ZXDC: variants seen among roughly 807,000 people sequenced by gnomAD.
ZXDC encodes ZXD family zinc finger C.
Under a neutral mutation model 63.6 loss-of-function variants are expected in ZXDC, and 58 were observed. The observed-to-expected ratio is 0.91, with a 90% CI of 0.74 to 1.13. ZXDC has a LOEUF of 1.13. Among genes scored for constraint, ZXDC ranks in the 50% most tolerant of loss-of-function variants. The probability of loss-of-function intolerance (pLI) is 0.00; values close to 1 mark genes in which losing one functional copy is unlikely to be tolerated. For synonymous variants in ZXDC, 561 were observed against 496.1 expected (o/e 1.13, Z -1.74); for missense variants, 1,133 against 1,148.9 (o/e 0.99, Z 0.20).
At chr3:126,453,771 T>A in intron 7 of ZXDC, 1 of 976,200 alleles carries the variant, frequency 1.0e-6, no homozygotes, top group Non-Finnish European at 1.2e-6. Flanking sequence ...CTTGGCTCAC[T>A]GCAACCTCTG....
chr3:126,440,783 G>A (rs754600688), intron 8 of ZXDC: 29 of 986,162 alleles, frequency 2.9e-5, no homozygotes, highest in Admixed American at 6.2e-5. Context: ...CCAGCTGCCC[G>A]CAGCCTCTTC....
chr3:126,461,329 G>A, intron 6 of ZXDC: 1 of 1,372,246 alleles, frequency 7.3e-7, no homozygotes, highest in East Asian at 2.7e-5. Context: ...TCCTTATGCA[G>A]GAAATAAATG....
intron 4 of ZXDC, among the ~76,000 whole-genome samples, 159 bp downstream of exon 4, chr3:126,470,736 A>G (rs1049754049): frequency 6.6e-6 from 1 of 152,244 alleles, no homozygotes; most frequent in South Asian, 2.1e-4. Context: ...CTCCCAAAAT[A>G]GTACAATTAA....
chr3:126,457,422 G>C (rs1934351771), intron 7 of ZXDC: 3 of 985,304 alleles, frequency 3.0e-6, no homozygotes, highest in African/African-American at 1.7e-5. Flanking sequence ...TGGCCTTCCT[G>C]CACTGGCTGA....
chr3:126,459,548 G>GT, intron 7 of ZXDC, 105 bp downstream of exon 7: 2 of 1,565,652 alleles, frequency 1.3e-6, no homozygotes, highest in South Asian at 2.3e-5. Flanking sequence ...GAACAGAAAA[G>GT]TAAAACCAAG....
intron 4 of ZXDC, among the ~76,000 whole-genome samples, chr3:126,470,047 C>G (rs1934921004): frequency 6.6e-6 from 1 of 152,210 alleles, no homozygotes; most frequent in African/African-American, 2.4e-5. Context: ...CTCACTGCCT[C>G]CCAGTGCACC....
intron 5 of ZXDC, among the ~76,000 whole-genome samples, chr3:126,462,697 T>C (rs933803141): frequency 6.6e-6 from 1 of 152,116 alleles, no homozygotes; most frequent in Non-Finnish European, 1.5e-5. Context: ...CTGAGGATAT[T>C]TTCCGAATCA....
rs988138192 is a variant in ZXDC, at chr3:126,475,818, T to G, written c.48A>C (p.Gln16His). ...GGAGCGGGCCGGGGCCGCCGCCATG[T>G]TGCCCTCCGCGCGCAGTCGGGGCGG... The part of the protein sequence containing the change: ...LLPAPTARGG[Q>H]HGGGPGPLRR... The change falls in exon 1 of 10, where the codon CAA (glutamine) becomes CAC (histidine). Residue 16 changes from glutamine (Q) to histidine (H), a missense_variant. Physicochemically the swap from Gln to His is conservative, Grantham distance 24. Coordinates refer to ENST00000389709, the MANE Select transcript of ZXDC (RefSeq NM_025112.5). 2 of 1,083,578 alleles carry G rather than the reference T, an allele frequency of 1.8e-6. No individual in the cohort carries two copies. Among genetic ancestry groups the G allele is most frequent in the Non-Finnish European group, 2.2e-6 (2 of 894,568 alleles). The allele number at this position is 1,083,578 out of a possible 1,614,324, so 67.1% of individuals were successfully genotyped here.
intron 7 of ZXDC, chr3:126,452,280 T>C (rs1467779134): frequency 6.1e-6 from 6 of 985,346 alleles, no homozygotes; most frequent in Non-Finnish European, 7.2e-6. Context: ...CATAGCTTCT[T>C]ACACAATTGT....
rs756248989 is a variant in ZXDC at position 126,472,270 on chromosome 3, A to G, written c.943T>C (p.Phe315Leu). 9.9e-5 allele frequency: 159 copies of G among 1,612,398 alleles called. No individual in the cohort carries two copies. The highest frequency in any genetic ancestry group is 1.3e-4 in the Non-Finnish European group (151 of 1,178,590). The change falls in exon 2 of 10, where the codon TTT (phenylalanine) becomes CTT (leucine). Residue 315 changes from phenylalanine (F) to leucine (L), a missense_variant. Coordinates refer to ENST00000389709, the MANE Select transcript of ZXDC (RefSeq NM_025112.5). Reference sequence around the variant, plus strand: ...CTGAAGTGGGCTCGGTTATGGGAAAACAGGGCACTCACTGTGATAAATGTC... The same window carrying G: ...CTGAAGTGGGCTCGGTTATGGGAAAGCAGGGCACTCACTGTGATAAATGTC... ...EKTFITVSAL[F>L]SHNRAHFREQ...
chr3:126,455,317 A>C (rs531112973), intron 7 of ZXDC, among the ~76,000 whole-genome samples: 1 of 152,352 alleles, frequency 6.6e-6, no homozygotes, highest in Non-Finnish European at 1.5e-5. Flanking sequence ...CATATTATCT[A>C]AAATTTGAAA....
At chr3:126,450,011 G>A (rs1469281699) in intron 7 of ZXDC, among the ~76,000 whole-genome samples, 1 of 152,168 alleles carries the variant, frequency 6.6e-6, no homozygotes, top group African/African-American at 2.4e-5. Context: ...ACCCACTTCT[G>A]CAGCAGGAAG....
rs777527261 is a variant in ZXDC, at chr3:126,475,507, C to T, written c.359G>A (p.Gly120Asp). Residue 120 changes from glycine to aspartate, a missense_variant, in exon 1 of 10, where the codon GGC (glycine) becomes GAC (aspartate). Coordinates refer to ENST00000389709, the MANE Select transcript of ZXDC (RefSeq NM_025112.5). ...QGPSGPAAPP[G>D]PGVAPAGAVT... The stretch of plus-strand genomic sequence containing the variant: ...GGCGCCCGCCGGGGCTACGCCAGGG[C>T]CGGGGGGGGCGGCCGGGCCGCTGGG... 3 of 1,244,062 alleles carry T rather than the reference C, an allele frequency of 2.4e-6. No individual in the cohort carries two copies. The highest frequency in any genetic ancestry group is 3.0e-6 in the Non-Finnish European group (3 of 996,990). 77.1% of individuals were successfully genotyped at this position (1,244,062 alleles called of 1,614,324 possible).
intron 7 of ZXDC, chr3:126,459,376 C>T: frequency 1.0e-6 from 1 of 985,420 alleles, no homozygotes; most frequent in Non-Finnish European, 1.2e-6. Context: ...TGCTTATTTA[C>T]CTTAGTAGCC....
At chr3:126,474,928 G>T in intron 1 of ZXDC, 31 bp downstream of exon 1, 1 of 1,534,064 alleles carries the variant, frequency 6.5e-7, no homozygotes, top group Admixed American at 2.0e-5. Context: ...GCAACACCGC[G>T]CAGCCCGCCC....
intron 7 of ZXDC, chr3:126,451,713 T>A: frequency 1.0e-6 from 1 of 985,378 alleles, no homozygotes; most frequent in Non-Finnish European, 1.2e-6. Context: ...GTTGCCATCC[T>A]CCTCATGACC....
intron 7 of ZXDC, among the ~76,000 whole-genome samples, chr3:126,455,511 G>A (rs1056105145): frequency 6.6e-6 from 1 of 152,160 alleles, no homozygotes; most frequent in Non-Finnish European, 1.5e-5. Context: ...TTCCAGGGCA[G>A]GGACAGGGAT....
chr3:126,440,743 C>T lies in ZXDC; in HGVS notation c.2395-1016G>A, dbSNP rs530469978. ...GCTTCAGCCCCCATCTGACGCTCAC[C>T]GCTAGCTTCCAACCAGCACAGGGCC... On this transcript the variant is annotated intron_variant, in intron 8 of 9. Transcript: ENST00000389709. 37 of 986,066 alleles carry T rather than the reference C, an allele frequency of 3.8e-5. No individual in the cohort carries two copies. The Admixed American group carries it at 6.1e-4, about 16-fold the overall frequency. The allele number at this position is 986,066 out of a possible 1,614,324, so 61.1% of individuals were successfully genotyped here. A position where few individuals can be genotyped will look rare whatever the true frequency, so the allele number is the denominator to read the frequency against.
chr3:126,472,675 T>C (rs1401526442), intron 1 of ZXDC, among the ~76,000 whole-genome samples: 1 of 152,198 alleles, frequency 6.6e-6, no homozygotes, highest in African/African-American at 2.4e-5. Context: ...CAAGATTTTG[T>C]CTGGTAGGGT....
Sources: allele counts gnomAD v4.1 joint callset (sites outside exome capture counted in the v4.1 genomes callset), GRCh38; gene constraint gnomAD v4.1.1; transcripts MANE v1.5; gene names NCBI Gene and HGNC (gene_info 2026-07-23, HGNC 2026-07-21).